Variants in SGCZ observed in about 807,000 individuals in gnomAD.
The protein encoded by SGCZ is zeta-sarcoglycan.
SGCZ carries 40 observed loss-of-function variants against 41.3 expected under a neutral mutation model. The observed-to-expected ratio is 0.97, with a 90% CI of 0.75 to 1.26. The LOEUF is 1.26. Among genes scored for constraint, SGCZ ranks in the 50% most tolerant of loss-of-function variants. SGCZ has a pLI of 0.00. For missense variants in SGCZ, 552 were observed against 369.8 expected (o/e 1.49, Z -4.04); for synonymous variants, 206 against 137.5 (o/e 1.50, Z -3.49).
intron 1 of SGCZ, among the ~76,000 whole-genome samples, chr8:15,236,883 C>G (rs904546368): frequency 2.0e-5 from 3 of 152,080 alleles, no homozygotes; most frequent in Admixed American, 6.5e-5. Context: ...CAGATGCCGC[C>G]CCTACCAGCC....
intron 1 of SGCZ, among the ~76,000 whole-genome samples, chr8:14,566,281 G>A (rs539032239): frequency 3.7e-4 from 57 of 152,264 alleles, no homozygotes; most frequent in African/African-American, 1.4e-3. Context: ...CCCGAATATT[G>A]ATATAACAAG....
At chr8:14,204,211 T>G (rs1428128400) in intron 4 of SGCZ, among the ~76,000 whole-genome samples, 2 of 152,020 alleles carry the variant, frequency 1.3e-5, no homozygotes, top group African/African-American at 4.8e-5. Flanking sequence ...TGGGGGTAAT[T>G]TGTTTGTGTC....
chr8:14,916,118 C>T (rs536145542), intron 1 of SGCZ, among the ~76,000 whole-genome samples: 2 of 152,158 alleles, frequency 1.3e-5, no homozygotes, highest in African/African-American at 2.4e-5. Context: ...GAATTGAAAT[C>T]CTTTTGCGTA....
At chr8:14,884,612 T>G (rs1024538807) in intron 1 of SGCZ, among the ~76,000 whole-genome samples, 10 of 152,026 alleles carry the variant, frequency 6.6e-5, no homozygotes, top group Non-Finnish European at 1.2e-4. Flanking sequence ...TTTAAAGGTT[T>G]CTCTGGATGC....
chr8:15,089,287 A>C (rs2131059593), intron 1 of SGCZ, among the ~76,000 whole-genome samples: 1 of 152,312 alleles, frequency 6.6e-6, no homozygotes, highest in South Asian at 2.1e-4. Context: ...TATATTAAGT[A>C]GAACAGAAAT....
At chr8:14,404,156 C>G (rs937877676) in intron 2 of SGCZ, among the ~76,000 whole-genome samples, 5 of 152,110 alleles carry the variant, frequency 3.3e-5, no homozygotes, top group Non-Finnish European at 7.3e-5. Flanking sequence ...AAATTTTACT[C>G]TCATAACAAT....
At chr8:14,627,881 A>G (rs1300864098) in intron 1 of SGCZ, among the ~76,000 whole-genome samples, 1 of 152,098 alleles carries the variant, frequency 6.6e-6, no homozygotes, top group Non-Finnish European at 1.5e-5. Context: ...ACATGTTTAA[A>G]TGGAAAAGCC....
intron 6 of SGCZ, among the ~76,000 whole-genome samples, chr8:14,106,208 A>G (rs1321873037): frequency 1.3e-5 from 2 of 152,236 alleles, no homozygotes; most frequent in Non-Finnish European, 2.9e-5. Flanking sequence ...TTAAGGATAA[A>G]CAAGGCAGAT....
At chr8:15,110,398 A>C (rs899452197) in intron 1 of SGCZ, among the ~76,000 whole-genome samples, 11 of 152,224 alleles carry the variant, frequency 7.2e-5, no homozygotes, top group East Asian at 1.9e-4. Context: ...TTCCTATAAG[A>C]TCCATGGATA....
chr8:14,731,821 G>C (rs1337419278), intron 1 of SGCZ, among the ~76,000 whole-genome samples: 3 of 152,032 alleles, frequency 2.0e-5, no homozygotes, highest in African/African-American at 4.8e-5. Flanking sequence ...CTCAATCTGA[G>C]TACCACTTTT....
intron 2 of SGCZ, among the ~76,000 whole-genome samples, chr8:14,531,357 C>T (rs1803125077): frequency 6.6e-6 from 1 of 151,886 alleles, no homozygotes; most frequent in South Asian, 2.1e-4. Flanking sequence ...TCTCCAGTGT[C>T]TGCATACCTC....
chr8:14,398,267 C>T (rs183715183), intron 2 of SGCZ, among the ~76,000 whole-genome samples: 1 of 152,108 alleles, frequency 6.6e-6, no homozygotes, highest in Non-Finnish European at 1.5e-5. Context: ...GTTTTCTCAG[C>T]TTTGAAATGA....
chr8:15,227,993 C>A (rs949858535), intron 1 of SGCZ, among the ~76,000 whole-genome samples: 3 of 152,142 alleles, frequency 2.0e-5, no homozygotes, highest in South Asian at 2.1e-4. Flanking sequence ...TGGCTTAAAT[C>A]GTATCTTTCC....
chr8:14,534,835 A>G (rs1367050634), intron 2 of SGCZ, among the ~76,000 whole-genome samples: 1 of 151,970 alleles, frequency 6.6e-6, no homozygotes, highest in African/African-American at 2.4e-5. Context: ...GATTTTTGAA[A>G]ATGTTTCCTC....
intron 1 of SGCZ, among the ~76,000 whole-genome samples, chr8:14,846,608 C>T (rs1487248483): frequency 6.9e-6 from 1 of 145,390 alleles, no homozygotes; most frequent in Non-Finnish European, 1.5e-5. Flanking sequence ...TTTAAAAATA[C>T]ATACTACTTA....
chr8:14,351,015 G>C (rs770459442), intron 2 of SGCZ, among the ~76,000 whole-genome samples: 1 of 152,002 alleles, frequency 6.6e-6, no homozygotes, highest in African/African-American at 2.4e-5. Flanking sequence ...AGTCCTCTCA[G>C]CTTTTGCTGT....
intron 4 of SGCZ, among the ~76,000 whole-genome samples, chr8:14,207,300 G>C (rs548479801): frequency 1.3e-5 from 2 of 152,248 alleles, no homozygotes; most frequent in African/African-American, 4.8e-5. Flanking sequence ...TCTATTAACT[G>C]ATAAGATAAA....
At chr8:15,028,872 CT>C (rs1189185443) in intron 1 of SGCZ, among the ~76,000 whole-genome samples, 1 of 152,006 alleles carries the variant, frequency 6.6e-6, no homozygotes, top group Non-Finnish European at 1.5e-5. Context: ...CCTCCAAATT[CT>C]ATTCATTTAG....
intron 5 of SGCZ, among the ~76,000 whole-genome samples, chr8:14,132,963 T>C (rs1365008995): frequency 6.6e-6 from 1 of 152,308 alleles, no homozygotes; most frequent in East Asian, 1.9e-4. Flanking sequence ...TGTGCTCAGC[T>C]AGTGTTTTGA....
Sources: allele counts gnomAD v4.1 joint callset (sites outside exome capture counted in the v4.1 genomes callset), GRCh38; gene constraint gnomAD v4.1.1; transcripts MANE v1.5; gene names NCBI Gene and HGNC (gene_info 2026-07-23, HGNC 2026-07-21).